The following ZNF474 variants were observed in gnomAD, a reference collection of about 807,000 sequenced individuals.
ZNF474 encodes the protein zinc finger protein 474.
For synonymous variants in ZNF474, 192 were observed against 162.2 expected (o/e 1.18, Z -1.39); for missense variants, 511 against 433.8 (o/e 1.18, Z -1.58).
chr5:122,148,789 T>G (rs147415022), intron 1 of ZNF474, among the ~76,000 whole-genome samples: 1 of 151,736 alleles, frequency 6.6e-6, no homozygotes, highest in African/African-American at 2.4e-5. Flanking sequence ...TAGGCTGGAG[T>G]GCAATGGCGC....
chr5:122,139,221 A>T (rs1405699800), intron 1 of ZNF474, among the ~76,000 whole-genome samples: 1 of 152,172 alleles, frequency 6.6e-6, no homozygotes, highest in Non-Finnish European at 1.5e-5. Flanking sequence ...ACGGAGTTTA[A>T]TTATTTGAAC....
At chr5:122,143,227 C>A (rs1755896024) in intron 1 of ZNF474, among the ~76,000 whole-genome samples, 2 of 152,166 alleles carry the variant, frequency 1.3e-5, no homozygotes, top group African/African-American at 4.8e-5. Flanking sequence ...CCTGGCCTAG[C>A]AGCTCCGTTC....
Position 122,152,784 on chromosome 5 carries a change from A to G in ZNF474, c.794A>G (p.Lys265Arg). The change falls in exon 2 of 2, where the codon AAG becomes AGG. Residue 265 changes from lysine (K) to arginine (R), a missense_variant. Physicochemically the swap from Lys to Arg is conservative, Grantham distance 26. Transcript: ENST00000296600. ...GAGCTCCACCAGCCACTCCCACAGAAGCCTCAGCCCCTTCCGAATGCACAG... is the reference window on the plus strand; with the variant it reads ...GAGCTCCACCAGCCACTCCCACAGAGGCCTCAGCCCCTTCCGAATGCACAG... ...PVELHQPLPQ[K>R]PQPLPNAQSS... The G allele has an allele frequency of 6.2e-7, 1 of 1,614,208 alleles. No individual in the cohort carries two copies.
At position 122,137,961 on chromosome 5, in the gene ZNF474, C is replaced by T. The variant is rs1580599617; in HGVS notation, c.-213+8278C>T. On this transcript the variant is annotated intron_variant, in intron 1 of 1. Transcript: ENST00000296600. ...GAGGCGCACCCGTTCACCTGCCTGGCATTAGATTTATGAGTGCAGGCAAAA... is the reference window on the plus strand; with the variant it reads ...GAGGCGCACCCGTTCACCTGCCTGGTATTAGATTTATGAGTGCAGGCAAAA... 3.3e-5 allele frequency among the ~76,000 whole-genome samples: 5 copies of T among 152,320 alleles called. No individual in the cohort carries two copies. The East Asian group carries it at 9.6e-4, about 29-fold the overall frequency.
At chr5:122,141,974 CT>C (rs1755858975) in intron 1 of ZNF474, among the ~76,000 whole-genome samples, 1 of 152,204 alleles carries the variant, frequency 6.6e-6, no homozygotes, top group Non-Finnish European at 1.5e-5. Context: ...ACTTCTAATG[CT>C]GCTTTCTCCA....
rs1349326208 is a variant in ZNF474 at position 122,151,986 on chromosome 5, T to G, written c.-5T>G. ...AGCAAGCACTACAGAAAGACATCTT[T>G]GTTAATGGAAAGAGGAAAGAAGAAA... On this transcript the variant is annotated 5_prime_UTR_variant, in exon 2 of 2. Coordinates refer to ENST00000296600, the MANE Select transcript of ZNF474 (RefSeq NM_207317.3). 6.2e-7 allele frequency: 1 copy of G among 1,605,674 alleles called. No individual in the cohort carries two copies. Among genetic ancestry groups the G allele is most frequent in the Admixed American group, 1.7e-5 (1 of 58,312 alleles).
At chr5:122,130,019 G>T (rs1159488585) in intron 1 of ZNF474, among the ~76,000 whole-genome samples, 1 of 152,086 alleles carries the variant, frequency 6.6e-6, no homozygotes, top group Non-Finnish European at 1.5e-5. Flanking sequence ...GTATTTAAAA[G>T]AATGATTTTT....
intron 1 of ZNF474, among the ~76,000 whole-genome samples, chr5:122,137,671 C>T (rs1755737593): frequency 6.6e-6 from 1 of 151,910 alleles, no homozygotes. Flanking sequence ...GAGAGATGAA[C>T]ATGGATGGAG....
At chr5:122,143,008 G>A (rs1302485644) in intron 1 of ZNF474, among the ~76,000 whole-genome samples, 1 of 152,154 alleles carries the variant, frequency 6.6e-6, no homozygotes, top group Non-Finnish European at 1.5e-5. Flanking sequence ...GCTTTGGGTG[G>A]AGAGCGCATT....
At chr5:122,148,604 T>C (rs1756055668) in intron 1 of ZNF474, among the ~76,000 whole-genome samples, 1 of 152,126 alleles carries the variant, frequency 6.6e-6, no homozygotes, top group South Asian at 2.1e-4. Flanking sequence ...CCCCAACTGG[T>C]CCCTACCTCT....
intron 1 of ZNF474, among the ~76,000 whole-genome samples, chr5:122,135,680 T>C (rs1420486375): frequency 6.6e-6 from 1 of 152,108 alleles, no homozygotes; most frequent in South Asian, 2.1e-4. Context: ...GCCAAAGAGA[T>C]ATCTGCACTC....
chr5:122,135,937 A>C (rs1175092002), intron 1 of ZNF474, among the ~76,000 whole-genome samples: 1 of 152,136 alleles, frequency 6.6e-6, no homozygotes, highest in East Asian at 1.9e-4. Context: ...GAGCTAAAAA[A>C]AAAAATGTGA....
In ZNF474 at chr5:122,153,164, CA is replaced by C. The variant is rs1756244959; in HGVS notation, c.*82del. On this transcript the variant is annotated 3_prime_UTR_variant, in exon 2 of 2. Transcript: ENST00000296600. ...TTCTATCAATGCCTTGTATCAGCCT[CA>C]AAGCAGCCTGTTCAAGTTAACTCCC... 5.9e-6 allele frequency: 9 copies of C among 1,522,286 alleles called. No individual in the cohort carries two copies. In the East Asian group the frequency reaches 2.0e-4, roughly 35 times the overall value. 94.3% of individuals were successfully genotyped at this position (1,522,286 alleles called of 1,614,324 possible). A position where few individuals can be genotyped will look rare whatever the true frequency, so the allele number is the denominator to read the frequency against.
intron 1 of ZNF474, among the ~76,000 whole-genome samples, chr5:122,133,755 C>T (rs2152603159): frequency 6.6e-6 from 1 of 152,178 alleles, no homozygotes; most frequent in South Asian, 2.1e-4. Context: ...GTGATGAGAT[C>T]TTACTATGTT....
At chr5:122,129,849 GA>G (rs775137744) in intron 1 of ZNF474, 166 bp downstream of exon 1, 23 of 152,012 alleles carry the variant, frequency 1.5e-4, no homozygotes, top group Non-Finnish European at 2.5e-4. Context: ...TTGCTATTGG[GA>G]AGAAATACAA....
Position 122,152,148 on chromosome 5 carries a change from A to C in ZNF474, c.158A>C (p.Asn53Thr). 1.2e-6 allele frequency: 2 copies of C among 1,614,136 alleles called. No individual in the cohort carries two copies. The highest frequency in any genetic ancestry group is 1.7e-6 in the Non-Finnish European group (2 of 1,180,020). ...ACAGAGAGTGTTAATCCTGGTGAAA[A>C]TATAAAGACAGACACTCAGAAAAAG... ...PETESVNPGE[N>T]IKTDTQKKRP... is the part of the protein sequence containing the mutation. The change falls in exon 2 of 2, where the codon AAT becomes ACT. Residue 53 changes from asparagine to threonine, a missense_variant. By Grantham distance (65) the Asn-to-Thr change is moderately conservative. Coordinates refer to ENST00000296600, the MANE Select transcript of ZNF474 (RefSeq NM_207317.3).
chr5:122,143,784 AT>A (rs946088511), intron 1 of ZNF474, among the ~76,000 whole-genome samples: 3 of 152,090 alleles, frequency 2.0e-5, no homozygotes, highest in Non-Finnish European at 2.9e-5. Flanking sequence ...TTGGCTGATT[AT>A]TTCTTTAAAC....
chr5:122,142,967 A>T (rs907364741), intron 1 of ZNF474, among the ~76,000 whole-genome samples: 12 of 152,092 alleles, frequency 7.9e-5, no homozygotes, highest in African/African-American at 2.9e-4. Flanking sequence ...GCTGTTTTTG[A>T]CTTCCTTCCC....
intron 1 of ZNF474, among the ~76,000 whole-genome samples, chr5:122,133,804 T>G (rs954039416): frequency 2.0e-5 from 3 of 152,278 alleles, no homozygotes; most frequent in Admixed American, 2.0e-4. Context: ...CAAGCAATCC[T>G]CCCACCCTGG....
Sources: gnomAD v4.1 joint callset for allele counts (sites outside exome capture counted in the v4.1 genomes callset) on GRCh38, gnomAD v4.1.1 for gene constraint, MANE v1.5 for transcripts, NCBI Gene and HGNC (gene_info 2026-07-23, HGNC 2026-07-21) for gene names.